Variants in ZEB1 observed in about 807,000 individuals in gnomAD.
ZEB1 encodes the protein zinc finger E-box-binding homeobox 1.
ZEB1 carries 21 observed loss-of-function variants against 84.9 expected under a neutral mutation model. The ratio of observed to expected loss-of-function variants is 0.25; its 90% CI spans 0.18 to 0.36. The LOEUF is 0.36. Among genes scored for constraint, ZEB1 ranks in the 10% least tolerant of loss-of-function variants. The probability of loss-of-function intolerance (pLI) is 1.00; values close to 1 mark genes in which losing one functional copy is unlikely to be tolerated. For missense variants in ZEB1, 1,104 were observed against 1,330.2 expected (o/e 0.83, Z 2.65); for synonymous variants, 420 against 471.1 (o/e 0.89, Z 1.41).
Position 31,520,284 on chromosome 10 carries a change from T to G in ZEB1, c.952T>G (p.Ser318Ala). 6.2e-7 allele frequency: 1 copy of G among 1,613,980 alleles called. No individual in the cohort carries two copies. The highest frequency in any genetic ancestry group is 8.5e-7 in the Non-Finnish European group (1 of 1,179,908). ...KTSQCSSPSL[S>A]ASPGSPTRPQ... ...ATCTCAGTGTTCTTCACCGTCTCTT[T>G]CAGCATCACCAGGCAGTCCCACACG... is the stretch of plus-strand genomic sequence containing the variant. The change falls in exon 7 of 9, where the codon TCA (serine) becomes GCA (alanine). Residue 318 changes from serine to alanine, a missense_variant. By Grantham distance (99) the Ser-to-Ala change is moderately conservative. This residue lies in a region of ZEB1 where 111 missense variants were observed against 161.8 expected (regional missense o/e 0.69). Coordinates refer to ENST00000424869, the MANE Select transcript of ZEB1 (RefSeq NM_001174096.2). This position sits in a 1 kb window ranked among gnomAD's most constrained non-coding sequence, Gnocchi z 5.1.
rs1477373921 is a variant in ZEB1, at chr10:31,521,271, TCTC to T, written c.1942_1944del (p.Pro648del). 5.6e-6 allele frequency: 9 copies of T among 1,613,960 alleles called. No homozygotes were observed. Among genetic ancestry groups the T allele is most frequent in the Admixed American group, 1.7e-5 (1 of 59,988 alleles). ...TTCAGTGCAGTCTTCTGAACCATCT[TCTC>T]CTGAACCAGGCAAAGTAAATATCCC... On this transcript the variant is annotated inframe_deletion, in exon 7 of 9. Transcript: ENST00000424869.
chr10:31,489,829 C>A (rs2066266889), intron 2 of ZEB1, among the ~76,000 whole-genome samples: 1 of 151,330 alleles, frequency 6.6e-6, no homozygotes, highest in Admixed American at 6.6e-5. Context: ...TCCCGACATT[C>A]CAAGTGTCCC....
intron 1 of ZEB1, chr10:31,360,864 A>G: frequency 2.0e-6 from 2 of 1,009,018 alleles, no homozygotes; most frequent in South Asian, 2.6e-5. Flanking sequence ...TACTAGTGCC[A>G]CAGTAGTGGC....
At chr10:31,473,812 C>G (rs1259421353) in intron 2 of ZEB1, among the ~76,000 whole-genome samples, 1 of 150,268 alleles carries the variant, frequency 6.7e-6, no homozygotes, top group East Asian at 1.9e-4. Flanking sequence ...TCAAACTATA[C>G]TACAAGGCTA....
At chr10:31,475,775 A>G (rs1215444137) in intron 2 of ZEB1, among the ~76,000 whole-genome samples, 1 of 152,156 alleles carries the variant, frequency 6.6e-6, no homozygotes, top group Non-Finnish European at 1.5e-5. Flanking sequence ...CTTACAAGAA[A>G]TGCTCAAAGG....
intron 1 of ZEB1, among the ~76,000 whole-genome samples, chr10:31,332,900 TA>T (rs2037108416): frequency 6.6e-6 from 1 of 152,236 alleles, no homozygotes; most frequent in Admixed American, 6.5e-5. Flanking sequence ...ACCAAAACTT[TA>T]AAAATTAACC....
At chr10:31,349,299 A>G (rs1037067335) in intron 1 of ZEB1, among the ~76,000 whole-genome samples, 4 of 152,202 alleles carry the variant, frequency 2.6e-5, no homozygotes, top group African/African-American at 4.8e-5. Context: ...CGTATACTAC[A>G]TTCTCTCTAT....
intron 1 of ZEB1, among the ~76,000 whole-genome samples, chr10:31,417,997 T>C (rs188531908): frequency 2.0e-5 from 3 of 151,820 alleles, no homozygotes; most frequent in Admixed American, 1.3e-4. Context: ...CTTCTAGGAG[T>C]GTCAAGCAAA....
At chr10:31,410,080 T>C (rs2053947744) in intron 1 of ZEB1, among the ~76,000 whole-genome samples, 1 of 152,224 alleles carries the variant, frequency 6.6e-6, no homozygotes, top group African/African-American at 2.4e-5. Context: ...CATCCTTGTC[T>C]TGTGCCGGTT....
chr10:31,475,683 C>A (rs1395404108), intron 2 of ZEB1, among the ~76,000 whole-genome samples: 1 of 152,046 alleles, frequency 6.6e-6, no homozygotes, highest in East Asian at 1.9e-4. Context: ...TTATATCCTG[C>A]CAAACTAAGC....
intron 1 of ZEB1, among the ~76,000 whole-genome samples, chr10:31,327,142 C>CTCTTGTCACCCAGGCTGGAGTG: frequency 9.0e-6 from 1 of 111,270 alleles, no homozygotes; most frequent in South Asian, 3.2e-4. Flanking sequence ...GACAGTTTGA[C>CTCTTGTCACCCAGGCTGGAGTG]TCTTGTCACC....
At chr10:31,482,427 A>G (rs2065163210) in intron 2 of ZEB1, among the ~76,000 whole-genome samples, 1 of 151,816 alleles carries the variant, frequency 6.6e-6, no homozygotes, top group Non-Finnish European at 1.5e-5. Flanking sequence ...ACAGGAGGTT[A>G]TGGACACATG....
At chr10:31,426,121 A>T (rs77778254) in intron 1 of ZEB1, among the ~76,000 whole-genome samples, 2,270 of 152,290 alleles carry the variant, frequency 0.015, 58 homozygotes, top group African/African-American at 0.052. Flanking sequence ...AAAAGTGATG[A>T]TAATACCAAC....
intron 2 of ZEB1, among the ~76,000 whole-genome samples, chr10:31,477,014 C>T (rs887494031): frequency 1.3e-5 from 2 of 151,960 alleles, no homozygotes; most frequent in African/African-American, 4.8e-5. Context: ...ACAAGGATGC[C>T]TACTCACACC....
chr10:31,360,075 A>G (rs1409743635), intron 1 of ZEB1, among the ~76,000 whole-genome samples: 1 of 152,208 alleles, frequency 6.6e-6, no homozygotes, highest in East Asian at 1.9e-4. Context: ...TAAGAGAAAG[A>G]ATGTTCATAA....
intron 1 of ZEB1, among the ~76,000 whole-genome samples, chr10:31,451,761 TAA>T (rs1227553457): frequency 2.0e-5 from 3 of 152,038 alleles, no homozygotes; most frequent in East Asian, 3.8e-4. Context: ...GGAGTTTAGA[TAA>T]AAGGGGAAAA....
intron 1 of ZEB1, among the ~76,000 whole-genome samples, chr10:31,447,218 C>G (rs1405376925): frequency 6.6e-6 from 1 of 151,986 alleles, no homozygotes; most frequent in Non-Finnish European, 1.5e-5. Flanking sequence ...GCTGTTTTAT[C>G]AGAGACTAGG....
chr10:31,492,144 AG>A (rs1565102535), intron 2 of ZEB1, among the ~76,000 whole-genome samples: 1 of 151,892 alleles, frequency 6.6e-6, no homozygotes, highest in Non-Finnish European at 1.5e-5. Context: ...ACGGCTTTCT[AG>A]GCAGAGGGAG....
At chr10:31,338,531 C>T (rs2038691588) in intron 1 of ZEB1, among the ~76,000 whole-genome samples, 1 of 152,120 alleles carries the variant, frequency 6.6e-6, no homozygotes, top group Non-Finnish European at 1.5e-5. Flanking sequence ...TCATCTATTT[C>T]AATGTTCTTT....
Sources: allele counts gnomAD v4.1 joint callset (sites outside exome capture counted in the v4.1 genomes callset), GRCh38; gene constraint gnomAD v4.1.1; regional missense constraint gnomAD v4.1.1; non-coding constraint Gnocchi (gnomAD v3.1); transcripts MANE v1.5; gene names NCBI Gene and HGNC (gene_info 2026-07-23, HGNC 2026-07-21).